Variants in GSE1 observed in about 807,000 individuals in gnomAD.
GSE1 encodes the protein genetic suppressor element 1.
Under a neutral mutation model 112.6 loss-of-function variants are expected in GSE1, and 32 were observed. That is an observed-to-expected ratio of 0.28 (90% CI 0.21 to 0.38). The LOEUF (loss-of-function observed/expected upper bound fraction) is 0.38. Among genes scored for constraint, GSE1 ranks in the 10% least tolerant of loss-of-function variants. GSE1 has a pLI of 1.00. For synonymous variants in GSE1, 1,115 were observed against 735.6 expected (o/e 1.52, Z -8.35); for missense variants, 2,348 against 1,699.2 (o/e 1.38, Z -6.71).
At chr16:85,467,162 T>A (rs939489605) in intron 2 of GSE1, among the ~76,000 whole-genome samples, 4 of 152,140 alleles carry the variant, frequency 2.6e-5, no homozygotes, top group African/African-American at 7.2e-5. Flanking sequence ...TGCTGGATGG[T>A]GTGGGCACCC....
At chr16:85,386,467 G>A (rs568061787) in intron 2 of GSE1, among the ~76,000 whole-genome samples, 14 of 152,330 alleles carry the variant, frequency 9.2e-5, no homozygotes, top group Admixed American at 3.3e-4. Context: ...GTGAGCTGTC[G>A]CCATGACGGG....
intron 2 of GSE1, among the ~76,000 whole-genome samples, chr16:85,363,485 A>T (rs2047125144): frequency 6.6e-6 from 1 of 152,156 alleles, no homozygotes; most frequent in Admixed American, 6.5e-5. Flanking sequence ...TTCCCTATAC[A>T]TGGGTGTCAG....
At chr16:85,263,703 G>C (rs1288173910) in intron 1 of GSE1, among the ~76,000 whole-genome samples, 2 of 151,976 alleles carry the variant, frequency 1.3e-5, no homozygotes, top group African/African-American at 4.8e-5. Flanking sequence ...CTCCCAAGTA[G>C]CTGGGATTAC....
intron 2 of GSE1, among the ~76,000 whole-genome samples, chr16:85,446,871 C>A (rs116244738): frequency 1.3e-4 from 20 of 152,238 alleles, no homozygotes; most frequent in African/African-American, 4.8e-4. Context: ...ACCCCGCTCC[C>A]GCTGTCCCCA....
chr16:85,325,405 C>G (rs941708583), intron 1 of GSE1, among the ~76,000 whole-genome samples: 1 of 151,518 alleles, frequency 6.6e-6, no homozygotes, highest in Non-Finnish European at 1.5e-5. Flanking sequence ...GTTTTCAAAC[C>G]AAAAATTGAG....
At chr16:85,433,087 C>T (rs948035960) in intron 2 of GSE1, among the ~76,000 whole-genome samples, 1 of 151,866 alleles carries the variant, frequency 6.6e-6, no homozygotes, top group Non-Finnish European at 1.5e-5. Flanking sequence ...GAATGGGGCT[C>T]AGGGGTTCAG....
chr16:85,666,208 C>G lies in GSE1; in HGVS notation c.2991C>G (p.Pro997=). The G allele has an allele frequency of 1.2e-6, 2 of 1,613,700 alleles. No individual in the cohort carries two copies. The highest frequency in any genetic ancestry group is 1.7e-6 in the Non-Finnish European group (2 of 1,180,042). ...TTCACTATATCCGGGGCGCTGCACCCAAGGACATTCCTGTGCCGCTGTCCC... is the reference window on the plus strand; with the variant it reads ...TTCACTATATCCGGGGCGCTGCACCGAAGGACATTCCTGTGCCGCTGTCCC... ...SMLHYIRGAA[P]KDIPVPLSHS... The change falls in exon 13 of 16, where the codon CCC becomes CCG. Residue 997 remains proline, a synonymous_variant. Transcript: ENST00000253458.
intron 1 of GSE1, among the ~76,000 whole-genome samples, chr16:85,560,187 G>C (rs1598182831): frequency 7.4e-6 from 1 of 134,500 alleles, no homozygotes; most frequent in Non-Finnish European, 1.5e-5. Flanking sequence ...CCAGGCTCGA[G>C]TGCAATGGCG....
intron 1 of GSE1, among the ~76,000 whole-genome samples, chr16:85,356,574 C>G (rs1379131342): frequency 6.6e-6 from 1 of 152,246 alleles, no homozygotes; most frequent in Non-Finnish European, 1.5e-5. Flanking sequence ...AGGACGTGCA[C>G]CAAACCAGGT....
chr16:85,590,367 G>A (rs1418541111), intron 1 of GSE1, among the ~76,000 whole-genome samples: 5 of 149,548 alleles, frequency 3.3e-5, no homozygotes, highest in Non-Finnish European at 7.4e-5. Context: ...GTGAATGAGT[G>A]TGAGTGTGTG....
intron 1 of GSE1, among the ~76,000 whole-genome samples, chr16:85,577,310 G>A (rs1023373593): frequency 3.9e-5 from 6 of 152,186 alleles, no homozygotes; most frequent in Non-Finnish European, 5.9e-5. Flanking sequence ...GGGAGGACGC[G>A]GTCCTCTCAG....
chr16:85,607,871 G>A (rs906552807), upstream of GSE1, among the ~76,000 whole-genome samples: 25 of 152,330 alleles, frequency 1.6e-4, no homozygotes, highest in Middle Eastern at 3.4e-3. Context: ...GGAGCAGGGA[G>A]TCTGGGACTC....
At chr16:85,640,109 G>A (rs965806327) in intron 2 of GSE1, among the ~76,000 whole-genome samples, 3 of 152,202 alleles carry the variant, frequency 2.0e-5, no homozygotes, top group Non-Finnish European at 4.4e-5. Flanking sequence ...CCTGGCTGGC[G>A]AGGAAGCCCC....
intron 1 of GSE1, among the ~76,000 whole-genome samples, chr16:85,205,009 A>G (rs1454336418): frequency 6.6e-6 from 1 of 152,236 alleles, no homozygotes; most frequent in African/African-American, 2.4e-5. Flanking sequence ...TAACTTGCCC[A>G]AATCCTAAAA....
intron 1 of GSE1, among the ~76,000 whole-genome samples, chr16:85,347,091 C>G (rs1408905311): frequency 6.6e-6 from 1 of 152,118 alleles, no homozygotes. Flanking sequence ...AGGAAGGCCG[C>G]TGCTCGGTGG....
chr16:85,203,277 A>G (rs1275976154), intron 1 of GSE1, among the ~76,000 whole-genome samples: 2 of 152,266 alleles, frequency 1.3e-5, no homozygotes, highest in Admixed American at 6.5e-5. Flanking sequence ...ACAGCTTCGC[A>G]GGGCATAGCG....
chr16:85,491,914 G>T (rs918638499), intron 2 of GSE1, among the ~76,000 whole-genome samples: 1 of 152,164 alleles, frequency 6.6e-6, no homozygotes, highest in African/African-American at 2.4e-5. Flanking sequence ...CATTCATGTG[G>T]ACAGGAGGTG....
rs188730248 is a variant in GSE1, at chr16:85,248,385, T to G, written c.2283+76578T>G. ...CTCTCCTTTTGTCTATCTCTCCCCT[T>G]TTTTCCCTCTTCTTTCTGTTTCCTC... On this transcript the variant is annotated intron_variant, in intron 1 of 2. Coordinates refer to the GSE1 transcript ENST00000637419. Among the ~76,000 whole-genome samples, 56 of 152,172 alleles carry G rather than the reference T, an allele frequency of 3.7e-4. 1 individual carries two copies. In the East Asian group the frequency reaches 9.1e-3, roughly 25 times the overall value.
intron 2 of GSE1, among the ~76,000 whole-genome samples, chr16:85,485,690 C>T (rs190874828): frequency 6.7e-4 from 102 of 152,356 alleles, no homozygotes; most frequent in Middle Eastern, 6.8e-3. Flanking sequence ...GCGAGGTGGG[C>T]GCCGAGGCGG....
Sources: gnomAD v4.1 joint callset for allele counts (sites outside exome capture counted in the v4.1 genomes callset) on GRCh38, gnomAD v4.1.1 for gene constraint, MANE v1.5 for transcripts, NCBI Gene and HGNC (gene_info 2026-07-23, HGNC 2026-07-21) for gene names.